The following LGALS8 variants were observed in gnomAD, a reference collection of about 807,000 sequenced individuals.
LGALS8 encodes galectin-8.
In LGALS8, 30 loss-of-function variants were observed where a neutral mutation model predicts 35.9. That is an observed-to-expected ratio of 0.83 (90% CI 0.62 to 1.13). The LOEUF is 1.13. LGALS8 is among the 50% of genes most tolerant of loss of function. LGALS8 has a pLI of 0.00. For synonymous variants in LGALS8, 138 were observed against 136.1 expected, an observed-to-expected ratio of 1.01 and a Z score of -0.10; for missense variants, 366 against 388.7, an observed-to-expected ratio of 0.94 and a Z score of 0.49.
intron 2 of LGALS8, among the ~76,000 whole-genome samples, chr1:236,530,719 C>A (rs1021564785): frequency 1.3e-5 from 2 of 152,170 alleles, no homozygotes; most frequent in African/African-American, 4.8e-5. Flanking sequence ...TCCTAGCACC[C>A]AATAGTTGGA....
At chr1:236,528,046 T>A (rs1000278248) in intron 2 of LGALS8, among the ~76,000 whole-genome samples, 1 of 152,024 alleles carries the variant, frequency 6.6e-6, no homozygotes, top group Non-Finnish European at 1.5e-5. Flanking sequence ...AACTTAGTTA[T>A]TTAAAGATAA....
chr1:236,524,655 C>A, intron 1 of LGALS8: 1 of 344,792 alleles, frequency 2.9e-6, no homozygotes, highest in Non-Finnish European at 5.8e-6. Context: ...GCTGGCGGGA[C>A]CTGTCCCTGG....
rs60024224 is a variant in LGALS8, at chr1:236,537,021, C to CTTTTTTTTTTTTTT, written c.46-463_46-462insTTTTTTTTTTTTTT. Among the ~76,000 whole-genome samples, 1,246 of 137,558 alleles carry CTTTTTTTTTTTTTT rather than the reference C, an allele frequency of 9.1e-3. 86 individuals carry two copies. Among genetic ancestry groups the CTTTTTTTTTTTTTT allele is most frequent in the African/African-American group, 0.03 (1,032 of 34,190 alleles). 90.2% of individuals were successfully genotyped at this position (137,558 alleles called of 152,430 possible). ...ATCCTGGCCATGAGGTATGCAGTTC[C>CTTTTTTTTTTTTTT]TTTTTTTTTTTTTGAGACGGAGCCT... On this transcript the variant is annotated intron_variant, in intron 2 of 9. Coordinates refer to ENST00000366584, the MANE Select transcript of LGALS8 (RefSeq NM_201544.4).
In LGALS8 at chr1:236,544,598, C is replaced by A. The variant is rs553192792; in HGVS notation, c.639-152C>A. ...GGAATGCTGACTGGGTTTAAAATTT[C>A]AACTTCACCTGCATTCCCATGTCCA... On this transcript the variant is annotated intron_variant, in intron 8 of 9. Coordinates refer to ENST00000366584, the MANE Select transcript of LGALS8 (RefSeq NM_201544.4). The A allele has an allele frequency of 1.1e-4, 54 of 490,444 alleles. No homozygotes were observed. In the South Asian group the frequency reaches 3.0e-3, roughly 27 times the overall value. 30.4% of individuals were successfully genotyped at this position (490,444 alleles called of 1,614,324 possible).
rs1662598731 is a variant in LGALS8 at position 236,549,236 on chromosome 1, G to A, written c.*1075G>A. On this transcript the variant is annotated 3_prime_UTR_variant, in exon 10 of 10. Coordinates refer to ENST00000366584, the MANE Select transcript of LGALS8 (RefSeq NM_201544.4). The stretch of plus-strand genomic sequence containing the variant: ...AGATCAAAGCACTCTTCCACTTTAC[G>A]TGATTAAAATCAAACCTGTATCAGC... The A allele has an allele frequency of 5.5e-6, 2 of 362,590 alleles. No homozygotes were observed. Among genetic ancestry groups the A allele is most frequent in the Non-Finnish European group, 9.8e-6 (2 of 204,824 alleles). 22.5% of individuals were successfully genotyped at this position (362,590 alleles called of 1,614,324 possible).
chr1:236,543,188 C>T lies in LGALS8; in HGVS notation c.550-372C>T, dbSNP rs1662128109. 5 of 711,468 alleles carry T rather than the reference C, an allele frequency of 7.0e-6. No homozygotes were observed. The African/African-American group carries it at 7.1e-5, about 10-fold the overall frequency. The allele number at this position is 711,468 out of a possible 1,614,324, so 44.1% of individuals were successfully genotyped here. On this transcript the variant is annotated intron_variant, in intron 7 of 9. Coordinates refer to ENST00000366584, the MANE Select transcript of LGALS8 (RefSeq NM_201544.4). ...TGGACGGATTCGAGAGTCAACCAGGCCTGCCTCTGAGCCATTCCTGTGTAT... is the reference window on the plus strand; with the variant it reads ...TGGACGGATTCGAGAGTCAACCAGGTCTGCCTCTGAGCCATTCCTGTGTAT...
rs990326858 is a variant in LGALS8, at chr1:236,551,433, T to TC, written c.*3276dup. The TC allele has an allele frequency of 1.8e-5, 3 of 162,720 alleles. No individual in the cohort carries two copies. The highest frequency in any genetic ancestry group is 7.2e-5 in the African/African-American group (3 of 41,710). The allele number at this position is 162,720 out of a possible 1,614,324, so 10.1% of individuals were successfully genotyped here. A position where few individuals can be genotyped will look rare whatever the true frequency, so the allele number is the denominator to read the frequency against. The stretch of plus-strand genomic sequence containing the variant: ...CTCTATGTTCCAGAACTGTCACAGC[T>TC]CCCCATGTCACACTCACTAGCTTGT... On this transcript the variant is annotated 3_prime_UTR_variant, in exon 10 of 10. Transcript: ENST00000366584.
At chr1:236,540,784 G>A (rs766000326) in intron 5 of LGALS8, 101 bp downstream of exon 5, 6 of 1,202,056 alleles carry the variant, frequency 5.0e-6, no homozygotes, top group South Asian at 1.6e-5. Flanking sequence ...TAAAAAGGAC[G>A]TATCTCCCTG....
Position 236,524,027 on chromosome 1 carries a change from C to G in LGALS8, c.-138C>G. On this transcript the variant is annotated 5_prime_UTR_variant, in exon 1 of 10. Transcript: ENST00000366584. ...CGGCACTTAGCTGCTGACAAACAACCTGCTCCGTGGAGCGCCTGAAACACC... is the reference window on the plus strand; with the variant it reads ...CGGCACTTAGCTGCTGACAAACAACGTGCTCCGTGGAGCGCCTGAAACACC... The G allele has an allele frequency of 2.3e-6, 1 of 440,094 alleles. No homozygotes were observed. Among genetic ancestry groups the G allele is most frequent in the Non-Finnish European group, 4.6e-6 (1 of 219,126 alleles). 27.3% of individuals were successfully genotyped at this position (440,094 alleles called of 1,614,324 possible).
intron 9 of LGALS8, among the ~76,000 whole-genome samples, chr1:236,547,680 A>AG (rs11443391): frequency 0.57 from 85,858 of 151,002 alleles, 25,541 homozygotes; most frequent in Non-Finnish European, 0.66. Context: ...ATCGGCGAGG[A>AG]GGGGCAGCAC....
chr1:236,550,017 T>TA lies in LGALS8; in HGVS notation c.*1857dup, dbSNP rs1662647996. Reference sequence around the variant, plus strand: ...ATGCGAACATTCTACGGGATGTTCTTAGATGCCTTTAAAAAGGGGGCAGAT... The same window carrying TA: ...ATGCGAACATTCTACGGGATGTTCTTAAGATGCCTTTAAAAAGGGGGCAGAT... On this transcript the variant is annotated 3_prime_UTR_variant, in exon 10 of 10. Coordinates refer to ENST00000366584, the MANE Select transcript of LGALS8 (RefSeq NM_201544.4). The TA allele has an allele frequency of 6.6e-6, 1 of 152,194 alleles. No individual in the cohort carries two copies. Among genetic ancestry groups the TA allele is most frequent in the African/African-American group, 2.4e-5 (1 of 41,446 alleles). 9.4% of individuals were successfully genotyped at this position (152,194 alleles called of 1,614,324 possible). A position where few individuals can be genotyped will look rare whatever the true frequency, so the allele number is the denominator to read the frequency against.
In LGALS8 at chr1:236,535,286, G is replaced by A. The variant is rs537339587; in HGVS notation, c.46-2211G>A. 2.1e-3 allele frequency among the ~76,000 whole-genome samples: 315 copies of A among 151,740 alleles called. 3 individuals carry two copies. Among genetic ancestry groups the A allele is most frequent in the Non-Finnish European group, 3.8e-3 (256 of 67,894 alleles). On this transcript the variant is annotated intron_variant, in intron 2 of 9. Coordinates refer to ENST00000366584, the MANE Select transcript of LGALS8 (RefSeq NM_201544.4). ...TTATCATTTTTGTCTGATTTCTTTA[G>A]TGTTTCTCTTTTTCTTTTTTTAATT...
upstream of LGALS8, among the ~76,000 whole-genome samples, chr1:236,520,041 C>T (rs1214869220): frequency 2.0e-5 from 3 of 148,234 alleles, no homozygotes; most frequent in Non-Finnish European, 4.4e-5. Flanking sequence ...ACTGCAACCT[C>T]GGCCTTCTGG....
intron 2 of LGALS8, among the ~76,000 whole-genome samples, chr1:236,532,234 C>A (rs549293457): frequency 1.4e-4 from 21 of 152,338 alleles, no homozygotes; most frequent in African/African-American, 5.1e-4. Flanking sequence ...TTCCCAGACA[C>A]CAGCCAGGGG....
At chr1:236,524,249 C>T (rs1188830467) in intron 1 of LGALS8, 188 bp downstream of exon 1, 1 of 455,780 alleles carries the variant, frequency 2.2e-6, no homozygotes, top group Non-Finnish European at 4.4e-6. Context: ...GGCTGGGTGG[C>T]GGGGACGCTG....
chr1:236,536,779 G>A (rs1275469586), intron 2 of LGALS8: 1 of 152,226 alleles, frequency 6.6e-6, no homozygotes, highest in Non-Finnish European at 1.5e-5. Flanking sequence ...GCCTAGTGTG[G>A]CCTCGAACCT....
At chr1:236,540,020 T>G (rs972738617) in intron 4 of LGALS8, 1 of 152,280 alleles carries the variant, frequency 6.6e-6, no homozygotes, top group Non-Finnish European at 1.5e-5. Flanking sequence ...AGAAGCTACT[T>G]TCTCGTCATC....
At chr1:236,519,875 G>A (rs1338765771), upstream of LGALS8, among the ~76,000 whole-genome samples, 1 of 151,448 alleles carries the variant, frequency 6.6e-6, no homozygotes, top group African/African-American at 2.4e-5. Context: ...ACATTTTAGT[G>A]GACTATAAGC....
chr1:236,550,626 C>G lies in LGALS8; in HGVS notation c.*2465C>G, dbSNP rs979483389. 5.6e-6 allele frequency: 2 copies of G among 357,546 alleles called. No homozygotes were observed. Among genetic ancestry groups the G allele is most frequent in the South Asian group, 7.0e-5 (1 of 14,252 alleles). 22.1% of individuals were successfully genotyped at this position (357,546 alleles called of 1,614,324 possible). On this transcript the variant is annotated 3_prime_UTR_variant, in exon 10 of 10. Transcript: ENST00000366584. ...CAAGTCTAATATTATTACCATCAATCAGGAAGAGAATAATAAATGTTTAAA... is the reference window on the plus strand; with the variant it reads ...CAAGTCTAATATTATTACCATCAATGAGGAAGAGAATAATAAATGTTTAAA...
Sources: allele counts gnomAD v4.1 joint callset (sites outside exome capture counted in the v4.1 genomes callset), GRCh38; gene constraint gnomAD v4.1.1; transcripts MANE v1.5; gene names NCBI Gene and HGNC (gene_info 2026-07-23, HGNC 2026-07-21).